The following FAM135B variants were observed in gnomAD, a reference collection of about 807,000 sequenced individuals.
FAM135B encodes family with sequence similarity 135 member B, also known as protein FAM135B.
FAM135B carries 43 observed loss-of-function variants against 127.7 expected under a neutral mutation model. The ratio of observed to expected loss-of-function variants is 0.34; its 90% CI spans 0.26 to 0.43. The LOEUF is 0.43. FAM135B is among the 20% of genes least tolerant of loss of function. FAM135B has a pLI of 1.00. For missense variants in FAM135B, 1,558 were observed against 1,725.6 expected (o/e 0.90, Z 1.72); for synonymous variants, 670 against 665.1 (o/e 1.01, Z -0.11).
rs180672996 is a variant in FAM135B at position 138,156,141 on chromosome 8, C to G, written c.1259-2925G>C. On this transcript the variant is annotated intron_variant, in intron 12 of 19. Coordinates refer to ENST00000395297, the MANE Select transcript of FAM135B (RefSeq NM_015912.4). ...CAAATTAGAACTCAGGATTAAGAAACTCACTCAAAACCGCTCAACTACATG... is the reference window on the plus strand; with the variant it reads ...CAAATTAGAACTCAGGATTAAGAAAGTCACTCAAAACCGCTCAACTACATG... 9.2e-5 allele frequency among the ~76,000 whole-genome samples: 14 copies of G among 152,294 alleles called. No individual in the cohort carries two copies. In the East Asian group the frequency reaches 2.7e-3, roughly 29 times the overall value.
At chr8:138,170,598 AT>A (rs1299716592) in intron 11 of FAM135B, among the ~76,000 whole-genome samples, 1 of 152,166 alleles carries the variant, frequency 6.6e-6, no homozygotes, top group Non-Finnish European at 1.5e-5. Flanking sequence ...TGGATTTGTG[AT>A]GGTTGATTTT....
At chr8:138,310,347 T>G (rs1203334669) in intron 3 of FAM135B, among the ~76,000 whole-genome samples, 1 of 152,198 alleles carries the variant, frequency 6.6e-6, no homozygotes, top group Non-Finnish European at 1.5e-5. Flanking sequence ...GGTTACCCAC[T>G]TTGTACTCCA....
chr8:138,144,099 C>T (rs1228497221), intron 15 of FAM135B, among the ~76,000 whole-genome samples: 1 of 152,224 alleles, frequency 6.6e-6, no homozygotes, highest in Non-Finnish European at 1.5e-5. Flanking sequence ...GGGATAGTGT[C>T]ACCACCTCCT....
chr8:138,361,311 G>T lies in FAM135B; in HGVS notation c.77+6596C>A, dbSNP rs1274602291. ...CATTTGAGCAGCATTGATTTAAATA[G>T]AACGTTAGGAATTTGGAATCATCTT... On this transcript the variant is annotated intron_variant, in intron 2 of 19. Coordinates refer to ENST00000395297, the MANE Select transcript of FAM135B (RefSeq NM_015912.4). Among the ~76,000 whole-genome samples the T allele has an allele frequency of 2.0e-5, 3 of 152,048 alleles. No homozygotes were observed. The East Asian group carries it at 5.8e-4, about 29-fold the overall frequency.
intron 1 of FAM135B, chr8:138,441,564 T>A (rs1835766559): frequency 6.6e-6 from 1 of 152,238 alleles, no homozygotes; most frequent in African/African-American, 2.4e-5. Flanking sequence ...GCTTATTTTT[T>A]AAACAATGCT....
intron 7 of FAM135B, among the ~76,000 whole-genome samples, chr8:138,213,299 T>G (rs950947074): frequency 6.6e-6 from 1 of 151,978 alleles, no homozygotes; most frequent in East Asian, 1.9e-4. Context: ...GATCACTACG[T>G]AAATAGTAGC....
At chr8:138,439,538 TG>T (rs748430300) in intron 1 of FAM135B, 1 of 152,124 alleles carries the variant, frequency 6.6e-6, no homozygotes, top group Non-Finnish European at 1.5e-5. Flanking sequence ...GAACATGTCA[TG>T]TTGGGTTTCC....
chr8:138,143,959 C>A (rs1056618681), intron 15 of FAM135B, among the ~76,000 whole-genome samples: 1 of 152,094 alleles, frequency 6.6e-6, no homozygotes, highest in African/African-American at 2.4e-5. Context: ...AGCTTTGAGG[C>A]GCGAGAGAAT....
At chr8:138,461,287 T>A (rs1434991384) in intron 1 of FAM135B, among the ~76,000 whole-genome samples, 1 of 152,126 alleles carries the variant, frequency 6.6e-6, no homozygotes, top group Non-Finnish European at 1.5e-5. Context: ...GGATGCATCC[T>A]GGTCATCAAG....
intron 1 of FAM135B, among the ~76,000 whole-genome samples, chr8:138,433,824 G>T (rs192960279): frequency 6.6e-6 from 1 of 152,182 alleles, no homozygotes. Flanking sequence ...CAGAGGTTGG[G>T]ACATTAGTTA....
intron 12 of FAM135B, among the ~76,000 whole-genome samples, chr8:138,167,397 T>G (rs1293326021): frequency 1.3e-5 from 2 of 152,116 alleles, no homozygotes; most frequent in African/African-American, 4.8e-5. Flanking sequence ...GGTTTCTCCA[T>G]TTTGGCCAGG....
intron 1 of FAM135B, among the ~76,000 whole-genome samples, chr8:138,434,154 A>G (rs147223193): frequency 2.6e-5 from 4 of 152,344 alleles, no homozygotes; most frequent in African/African-American, 7.2e-5. Flanking sequence ...AGCTTTCTCT[A>G]TGAATCATGT....
Position 138,377,443 on chromosome 8 carries a change from G to C in FAM135B, c.-19-9441C>G, listed in dbSNP as rs564677418. Among the ~76,000 whole-genome samples the C allele has an allele frequency of 3.3e-5, 5 of 152,256 alleles. No homozygotes were observed. In the South Asian group the frequency reaches 1.0e-3, roughly 32 times the overall value. ...TATTTGGCTCATGGTTGTGGAGGCTGGGAAGTCCAAGAGCAGAGCATCTGG... is the reference window on the plus strand; with the variant it reads ...TATTTGGCTCATGGTTGTGGAGGCTCGGAAGTCCAAGAGCAGAGCATCTGG... On this transcript the variant is annotated intron_variant, in intron 1 of 19. Coordinates refer to ENST00000395297, the MANE Select transcript of FAM135B (RefSeq NM_015912.4).
intron 3 of FAM135B, among the ~76,000 whole-genome samples, chr8:138,306,534 G>T (rs1045985422): frequency 2.0e-5 from 3 of 149,848 alleles, no homozygotes; most frequent in African/African-American, 7.3e-5. Flanking sequence ...CTCTCTAAGG[G>T]TCCACAGGAA....
chr8:138,427,369 C>G (rs908813284), intron 1 of FAM135B, among the ~76,000 whole-genome samples: 32 of 151,640 alleles, frequency 2.1e-4, no homozygotes, highest in African/African-American at 7.0e-4. Flanking sequence ...AAGTTTGTTA[C>G]ATGGCACTGA....
intron 13 of FAM135B, among the ~76,000 whole-genome samples, chr8:138,149,885 A>T (rs999302930): frequency 1.3e-5 from 2 of 152,204 alleles, no homozygotes; most frequent in Non-Finnish European, 2.9e-5. Context: ...CTGCAGGTAC[A>T]ATAAAAGCAA....
At chr8:138,135,680 G>A (rs575495760) in intron 19 of FAM135B, among the ~76,000 whole-genome samples, 2 of 152,202 alleles carry the variant, frequency 1.3e-5, no homozygotes, top group South Asian at 2.1e-4. Context: ...ACTAGAAATC[G>A]ATTTTAATGA....
intron 3 of FAM135B, among the ~76,000 whole-genome samples, chr8:138,266,494 T>G (rs912735894): frequency 6.6e-6 from 1 of 151,964 alleles, no homozygotes; most frequent in African/African-American, 2.4e-5. Flanking sequence ...GCTTCCACTG[T>G]CCAGGGTTAT....
intron 3 of FAM135B, among the ~76,000 whole-genome samples, chr8:138,272,090 A>G (rs1256430989): frequency 1.3e-5 from 2 of 152,092 alleles, no homozygotes; most frequent in Non-Finnish European, 1.5e-5. Flanking sequence ...GTTAGACATA[A>G]TTCTGTCACT....
Sources: gnomAD v4.1 joint callset for allele counts (sites outside exome capture counted in the v4.1 genomes callset) on GRCh38, gnomAD v4.1.1 for gene constraint, MANE v1.5 for transcripts, NCBI Gene and HGNC (gene_info 2026-07-23, HGNC 2026-07-21) for gene names.